CNTN4: variants seen among roughly 807,000 people sequenced by gnomAD.
CNTN4 encodes contactin 4.
In CNTN4, 77 loss-of-function variants were observed where a neutral mutation model predicts 122.5. That is an observed-to-expected ratio of 0.63 (90% CI 0.52 to 0.76). CNTN4 has a LOEUF of 0.76. Among genes scored for constraint, CNTN4 ranks in the 30% least tolerant of loss-of-function variants. The pLI, the probability that CNTN4 is intolerant of heterozygous loss-of-function variation, is 0.00. For synonymous variants in CNTN4, 512 were observed against 447.0 expected (o/e 1.15, Z -1.83); for missense variants, 1,256 against 1,259.1 (o/e 1.00, Z 0.04).
In CNTN4 at chr3:2,287,753, A is replaced by G. The variant is rs553513648; in HGVS notation, c.-144-51425A>G. On this transcript the variant is annotated intron_variant, in intron 2 of 24. Transcript: ENST00000418658. ...AAGAAGAAGAAGAAGAAGAAGAAGA[A>G]GAAGAAGAAGAAGAAGAAGAAGAAG... 1.9e-4 allele frequency among the ~76,000 whole-genome samples: 26 copies of G among 138,632 alleles called. No homozygotes were observed. The South Asian group carries it at 3.0e-3, about 16-fold the overall frequency. The allele number at this position is 138,632 out of a possible 152,430, so 90.9% of individuals were successfully genotyped here.
chr3:2,278,326 A>T (rs527669201), intron 2 of CNTN4, among the ~76,000 whole-genome samples: 1 of 152,232 alleles, frequency 6.6e-6, no homozygotes, highest in South Asian at 2.1e-4. Context: ...GGCTTTGGAC[A>T]TGCATTCCTA....
chr3:2,273,714 G>T (rs999828145), intron 2 of CNTN4, among the ~76,000 whole-genome samples: 1 of 152,092 alleles, frequency 6.6e-6, no homozygotes, highest in Non-Finnish European at 1.5e-5. Flanking sequence ...TCCTCTTAAT[G>T]CAGTACTAAT....
intron 2 of CNTN4, among the ~76,000 whole-genome samples, chr3:2,206,662 G>A (rs929862064): frequency 2.0e-5 from 3 of 151,902 alleles, no homozygotes; most frequent in East Asian, 1.9e-4. Flanking sequence ...AGACTGACTC[G>A]AGTAATGAAA....
chr3:2,331,959 C>A (rs9844510), intron 2 of CNTN4, among the ~76,000 whole-genome samples: 3 of 152,044 alleles, frequency 2.0e-5, no homozygotes, highest in Non-Finnish European at 2.9e-5. Context: ...CCTGTCCAGC[C>A]CAACACCACT....
At chr3:2,206,926 T>C (rs979941178) in intron 2 of CNTN4, among the ~76,000 whole-genome samples, 6 of 151,810 alleles carry the variant, frequency 4.0e-5, no homozygotes, top group African/African-American at 1.5e-4. Context: ...AACTCTGAGT[T>C]GAGCAAGGCT....
At chr3:2,214,859 A>C (rs2038770883) in intron 2 of CNTN4, among the ~76,000 whole-genome samples, 2 of 152,222 alleles carry the variant, frequency 1.3e-5, no homozygotes, top group Admixed American at 6.5e-5. Flanking sequence ...GTGATTCAGA[A>C]TATTGGAGGT....
intron 3 of CNTN4, among the ~76,000 whole-genome samples, chr3:2,497,302 T>G (rs2076478547): frequency 6.6e-6 from 1 of 152,208 alleles, no homozygotes; most frequent in Non-Finnish European, 1.5e-5. Flanking sequence ...ATAAAGTCCT[T>G]GGCACCTAAG....
intron 8 of CNTN4, among the ~76,000 whole-genome samples, chr3:2,874,308 C>T (rs1440760306): frequency 4.6e-5 from 7 of 152,168 alleles, no homozygotes; most frequent in Non-Finnish European, 1.0e-4. Context: ...TGGGAACCTA[C>T]AGTCTTAGAG....
intron 13 of CNTN4, among the ~76,000 whole-genome samples, chr3:2,928,388 G>A (rs1263543125): frequency 1.3e-5 from 2 of 152,158 alleles, no homozygotes; most frequent in African/African-American, 4.8e-5. Flanking sequence ...CTTTCTGATA[G>A]AGAAGAGGGA....
chr3:2,525,921 C>G (rs1266787988), intron 3 of CNTN4, among the ~76,000 whole-genome samples: 1 of 152,120 alleles, frequency 6.6e-6, no homozygotes, highest in Non-Finnish European at 1.5e-5. Context: ...AACAAATACA[C>G]ATTATACCTC....
At chr3:2,382,144 C>G (rs140513605) in intron 3 of CNTN4, among the ~76,000 whole-genome samples, 26 of 150,356 alleles carry the variant, frequency 1.7e-4, no homozygotes, top group Non-Finnish European at 3.2e-4. Context: ...ACTGAACATT[C>G]TTTTCTTACA....
intron 3 of CNTN4, among the ~76,000 whole-genome samples, chr3:2,386,094 T>C (rs1490469783): frequency 6.6e-6 from 1 of 152,114 alleles, no homozygotes; most frequent in Admixed American, 6.6e-5. Flanking sequence ...TGACATTGGT[T>C]AGATTAGGAA....
chr3:2,834,203 A>T (rs546715777), intron 7 of CNTN4, among the ~76,000 whole-genome samples: 1 of 152,260 alleles, frequency 6.6e-6, no homozygotes, highest in Admixed American at 6.5e-5. Flanking sequence ...TTAAAAAAAT[A>T]AAGAAAGCAT....
chr3:2,259,945 G>A (rs1317813673), intron 2 of CNTN4, among the ~76,000 whole-genome samples: 1 of 152,118 alleles, frequency 6.6e-6, no homozygotes. Flanking sequence ...CACTGTTGAT[G>A]AGAATGTCAC....
At chr3:2,213,828 TTTG>T (rs200265099) in intron 2 of CNTN4, among the ~76,000 whole-genome samples, 2,202 of 152,316 alleles carry the variant, frequency 0.014, 50 homozygotes, top group African/African-American at 0.05. Flanking sequence ...TGGATGTGTT[TTTG>T]TTGTTGTTGT....
intron 6 of CNTN4, among the ~76,000 whole-genome samples, chr3:2,815,718 C>A (rs1031095264): frequency 1.3e-5 from 2 of 152,082 alleles, no homozygotes; most frequent in Non-Finnish European, 2.9e-5. Context: ...TTTGATCCAG[C>A]AATCTCACTA....
chr3:2,350,960 G>A (rs968057), intron 3 of CNTN4, among the ~76,000 whole-genome samples: 79,961 of 151,950 alleles, frequency 0.53, 21,348 homozygotes, highest in East Asian at 0.8. Flanking sequence ...GCCTCCCAAC[G>A]CATGATATAG....
At chr3:2,294,285 T>C (rs1000039076) in intron 2 of CNTN4, among the ~76,000 whole-genome samples, 8 of 150,150 alleles carry the variant, frequency 5.3e-5, no homozygotes, top group African/African-American at 2.0e-4. Context: ...AGAAGAGTTG[T>C]GACTTTTTTT....
intron 2 of CNTN4, among the ~76,000 whole-genome samples, chr3:2,316,408 G>T (rs1417104122): frequency 6.6e-6 from 1 of 151,942 alleles, no homozygotes; most frequent in African/African-American, 2.4e-5. Flanking sequence ...TGCAGAAAAA[G>T]TCCCAAATAG....
Sources: gnomAD v4.1 joint callset for allele counts (sites outside exome capture counted in the v4.1 genomes callset) on GRCh38, gnomAD v4.1.1 for gene constraint, MANE v1.5 for transcripts, NCBI Gene and HGNC (gene_info 2026-07-23, HGNC 2026-07-21) for gene names.